Variants in GBF1 observed in about 807,000 individuals in gnomAD.
The protein encoded by GBF1 is Golgi-specific brefeldin A-resistance guanine nucleotide exchange factor 1.
GBF1 carries 114 observed loss-of-function variants against 210.5 expected under a neutral mutation model. The ratio of observed to expected loss-of-function variants is 0.54; its 90% CI spans 0.47 to 0.63. The LOEUF (loss-of-function observed/expected upper bound fraction) is 0.63. GBF1 is among the 30% of genes least tolerant of loss of function. GBF1 has a pLI of 0.00. For missense variants in GBF1, 1,851 were observed against 2,357.7 expected, an observed-to-expected ratio of 0.79 and a Z score of 4.45; for synonymous variants, 850 against 889.2, an observed-to-expected ratio of 0.96 and a Z score of 0.78.
intron 3 of GBF1, among the ~76,000 whole-genome samples, chr10:102,280,489 A>G (rs1316183798): frequency 6.6e-6 from 1 of 152,172 alleles, no homozygotes; most frequent in Non-Finnish European, 1.5e-5. Context: ...GGAAGAGGCT[A>G]TTAAGTGATG....
intron 3 of GBF1, among the ~76,000 whole-genome samples, chr10:102,293,966 G>A (rs1262278068): frequency 6.6e-6 from 1 of 151,416 alleles, no homozygotes; most frequent in Non-Finnish European, 1.5e-5. Flanking sequence ...TTTTAATAGA[G>A]ACGGGGTTTC....
intron 3 of GBF1, among the ~76,000 whole-genome samples, chr10:102,302,271 G>A (rs2077452689): frequency 6.6e-6 from 1 of 152,140 alleles, no homozygotes; most frequent in Non-Finnish European, 1.5e-5. Context: ...GAGAGGGAAA[G>A]GGGAGAGGGG....
At chr10:102,306,319 T>C (rs2077867753) in intron 3 of GBF1, among the ~76,000 whole-genome samples, 1 of 152,242 alleles carries the variant, frequency 6.6e-6, no homozygotes, top group Non-Finnish European at 1.5e-5. Context: ...GCATGGGAGT[T>C]CTCTTCAACA....
rs570462496 is a variant in GBF1 at position 102,271,879 on chromosome 10, G to A, written c.163+11763G>A. On this transcript the variant is annotated intron_variant, in intron 3 of 39. Coordinates refer to ENST00000369983, the MANE Select transcript of GBF1 (RefSeq NM_001377137.1). ...TGATCCTCCCACCTCAGCCTCCCAA[G>A]TAGCTGGGACTACAGGTGCATGCCA... Among the ~76,000 whole-genome samples, 16 of 151,976 alleles carry A rather than the reference G, an allele frequency of 1.1e-4. 1 individual carries two copies. Among genetic ancestry groups the A allele is most frequent in the Admixed American group, 2.6e-4 (4 of 15,264 alleles).
intron 3 of GBF1, among the ~76,000 whole-genome samples, chr10:102,302,346 C>T (rs1277873074): frequency 1.3e-5 from 2 of 152,028 alleles, no homozygotes; most frequent in Non-Finnish European, 2.9e-5. Context: ...TATACTAAAA[C>T]ACATTGAATT....
intron 17 of GBF1, among the ~76,000 whole-genome samples, 190 bp from the exon 18 acceptor site, chr10:102,365,207 A>C (rs556405151): frequency 9.8e-5 from 15 of 152,332 alleles, no homozygotes; most frequent in Non-Finnish European, 1.6e-4. Flanking sequence ...CTCGTAAGCC[A>C]ATTCAATTAG....
intron 3 of GBF1, among the ~76,000 whole-genome samples, chr10:102,275,067 A>G (rs914095227): frequency 6.8e-6 from 1 of 146,954 alleles, no homozygotes; most frequent in African/African-American, 2.6e-5. Flanking sequence ...GCTGGAGTGC[A>G]GTGGTGCAAT....
At chr10:102,247,525 G>T (rs2133859972) in intron 1 of GBF1, among the ~76,000 whole-genome samples, 1 of 152,258 alleles carries the variant, frequency 6.6e-6, no homozygotes, top group Admixed American at 6.5e-5. Flanking sequence ...GAGTTGATAT[G>T]CTTTGCATAA....
At chr10:102,349,565 C>A (rs574268811) in intron 4 of GBF1, among the ~76,000 whole-genome samples, 33 of 152,134 alleles carry the variant, frequency 2.2e-4, no homozygotes, top group African/African-American at 7.7e-4. Flanking sequence ...GAAAAAATAA[C>A]AACAATCTTA....
chr10:102,327,175 C>A (rs917924383), intron 3 of GBF1, among the ~76,000 whole-genome samples: 3 of 152,178 alleles, frequency 2.0e-5, no homozygotes, highest in Admixed American at 6.6e-5. Context: ...GTTTCAAACA[C>A]CTGTTTCAGC....
intron 3 of GBF1, among the ~76,000 whole-genome samples, chr10:102,276,403 A>G (rs1257338307): frequency 6.9e-6 from 1 of 145,562 alleles, no homozygotes. Flanking sequence ...GCGGGCGCCT[A>G]TAGTCACAGC....
At position 102,366,829 on chromosome 10, in the gene GBF1, G is replaced by A. The variant is rs188870656; in HGVS notation, c.2434-256G>A. On this transcript the variant is annotated intron_variant, in intron 19 of 39. Transcript: ENST00000369983. The surrounding 1 kb of genome is among the most constrained non-coding windows in gnomAD (Gnocchi z 4.0). ...TCGAACTCCTGATCTCGGGTGATCC[G>A]CCCACCTCGGCCTCCCTGAGTGCTG... 1.1e-3 allele frequency among the ~76,000 whole-genome samples: 173 copies of A among 152,036 alleles called. 1 individual carries two copies. The highest frequency in any genetic ancestry group is 3.4e-3 in the Middle Eastern group (1 of 294).
At chr10:102,231,032 C>A in the GBF1 span, 1 of 1,596,566 alleles carries the variant, frequency 6.3e-7, no homozygotes, top group Non-Finnish European at 8.5e-7. Flanking sequence ...GCGAAGCTGC[C>A]TTTGCATAGC....
intron 3 of GBF1, among the ~76,000 whole-genome samples, chr10:102,287,231 A>G (rs1225545739): frequency 1.3e-5 from 2 of 152,120 alleles, no homozygotes; most frequent in South Asian, 2.1e-4. Flanking sequence ...AATTACCCCA[A>G]CAAATTACCT....
intron 29 of GBF1, among the ~76,000 whole-genome samples, chr10:102,372,729 C>T (rs2060279703): frequency 6.6e-6 from 1 of 152,114 alleles, no homozygotes; most frequent in Non-Finnish European, 1.5e-5. Flanking sequence ...GAGGAAAAAC[C>T]AAATGAACCT....
chr10:102,293,420 AT>A lies in GBF1; in HGVS notation c.163+33305del, dbSNP rs1319535169. 2.0e-5 allele frequency among the ~76,000 whole-genome samples: 3 copies of A among 152,220 alleles called. No homozygotes were observed. The East Asian group carries it at 5.8e-4, about 29-fold the overall frequency. ...CTAGTTTATCTATTTCATATATTAT[AT>A]ATCATTGTTTTAGAATGTACTCTTT... On this transcript the variant is annotated intron_variant, in intron 3 of 39. Transcript: ENST00000369983.
chr10:102,306,889 G>A (rs2077932258), intron 3 of GBF1, among the ~76,000 whole-genome samples: 1 of 152,212 alleles, frequency 6.6e-6, no homozygotes, highest in African/African-American at 2.4e-5. Flanking sequence ...ACTGATCCAT[G>A]TGTCCACAAT....
At chr10:102,267,469 A>C (rs1166314255) in intron 3 of GBF1, among the ~76,000 whole-genome samples, 1 of 152,058 alleles carries the variant, frequency 6.6e-6, no homozygotes. Context: ...GTGCCACTGC[A>C]CTCCAGCCTG....
intron 3 of GBF1, among the ~76,000 whole-genome samples, chr10:102,313,446 T>G (rs954164831): frequency 3.3e-5 from 5 of 152,168 alleles, no homozygotes; most frequent in African/African-American, 9.6e-5. Flanking sequence ...TAGCTGGCCC[T>G]CCCTTGCTGG....
Sources: allele counts gnomAD v4.1 joint callset (sites outside exome capture counted in the v4.1 genomes callset), GRCh38; gene constraint gnomAD v4.1.1; non-coding constraint Gnocchi (gnomAD v3.1); transcripts MANE v1.5; gene names NCBI Gene and HGNC (gene_info 2026-07-23, HGNC 2026-07-21).